Variants in DNAJB14 observed in about 807,000 individuals in gnomAD.
DNAJB14 encodes the protein DnaJ heat shock protein family (Hsp40) member B14.
DNAJB14 carries 22 observed loss-of-function variants against 48.4 expected under a neutral mutation model. The ratio of observed to expected loss-of-function variants is 0.45; its 90% CI spans 0.32 to 0.65. DNAJB14 has a LOEUF of 0.65. Ranked by LOEUF, DNAJB14 falls within the 30% of genes least tolerant of loss-of-function variation. DNAJB14 has a pLI of 0.03. For missense variants in DNAJB14, 319 were observed against 458.8 expected, an observed-to-expected ratio of 0.70 and a Z score of 2.78; for synonymous variants, 142 against 158.7, an observed-to-expected ratio of 0.89 and a Z score of 0.79.
intron 5 of DNAJB14, chr4:99,906,269 T>A: frequency 8.5e-7 from 1 of 1,169,898 alleles, no homozygotes; most frequent in Admixed American, 2.5e-5. Context: ...ACAACATGCA[T>A]AGTGCAGGTG....
chr4:99,936,823 T>C (rs896101113), intron 1 of DNAJB14, among the ~76,000 whole-genome samples: 1 of 152,156 alleles, frequency 6.6e-6, no homozygotes, highest in African/African-American at 2.4e-5. Context: ...CTGTAACAGA[T>C]AATTGAGGCT....
intron 4 of DNAJB14, among the ~76,000 whole-genome samples, chr4:99,907,128 A>C (rs2110194872): frequency 6.6e-6 from 1 of 152,312 alleles, no homozygotes; most frequent in South Asian, 2.1e-4. Flanking sequence ...CCAATCAGAA[A>C]TGGCTACCAT....
intron 4 of DNAJB14, among the ~76,000 whole-genome samples, chr4:99,907,048 A>G (rs1014463486): frequency 2.6e-5 from 4 of 152,216 alleles, no homozygotes; most frequent in Non-Finnish European, 5.9e-5. Context: ...ATATCTTGGT[A>G]TAGATGGACC....
intron 1 of DNAJB14, among the ~76,000 whole-genome samples, chr4:99,937,120 T>A (rs1404006807): frequency 6.6e-6 from 1 of 151,814 alleles, no homozygotes; most frequent in Non-Finnish European, 1.5e-5. Context: ...ATCGAGACTA[T>A]CCTGGCTAAC....
At chr4:99,940,805 A>G (rs1221379523) in intron 1 of DNAJB14, among the ~76,000 whole-genome samples, 1 of 151,988 alleles carries the variant, frequency 6.6e-6, no homozygotes, top group Non-Finnish European at 1.5e-5. Flanking sequence ...TAGAGATATC[A>G]CCTTATAGCA....
Position 99,903,793 on chromosome 4 carries a change from T to C in DNAJB14, c.948A>G (p.Val316=), listed in dbSNP as rs1424945969. 1 of 1,612,858 alleles carries C rather than the reference T, an allele frequency of 6.2e-7. No individual in the cohort carries two copies. The highest frequency in any genetic ancestry group is 8.5e-7 in the Non-Finnish European group (1 of 1,179,398). ...NEYKGMLLQK[V]EKSVEEDYVT... is the part of the protein sequence containing the mutation. ...CATAATCTTCCTCCACACTCTTTTC[T>C]ACCTTTTGTAATAACATTCCTTTAT... The change falls in exon 7 of 8, where the codon GTA becomes GTG. Residue 316 remains valine (V), a synonymous_variant. Coordinates refer to ENST00000442697, the MANE Select transcript of DNAJB14 (RefSeq NM_001031723.4).
intron 3 of DNAJB14, among the ~76,000 whole-genome samples, chr4:99,909,437 T>G (rs1464656314): frequency 6.6e-6 from 1 of 152,042 alleles, no homozygotes; most frequent in Non-Finnish European, 1.5e-5. Flanking sequence ...AATGAGCTAT[T>G]TTTTCATTCT....
In DNAJB14 at chr4:99,898,887, T is replaced by C. The variant is rs983036630; in HGVS notation, c.*2141A>G. Reference sequence around the variant, plus strand: ...TTATAAGATACTTGTTGAGCTTTTATACCATGATATAGATGACATTAAGGA... The same window carrying C: ...TTATAAGATACTTGTTGAGCTTTTACACCATGATATAGATGACATTAAGGA... On this transcript the variant is annotated 3_prime_UTR_variant, in exon 8 of 8. Transcript: ENST00000442697. 8 of 151,994 alleles carry C rather than the reference T, an allele frequency of 5.3e-5. No individual in the cohort carries two copies. The highest frequency in any genetic ancestry group is 1.7e-4 in the African/African-American group (7 of 41,454). 9.4% of individuals were successfully genotyped at this position (151,994 alleles called of 1,614,324 possible).
chr4:99,901,123 A>G lies in DNAJB14; in HGVS notation c.1045T>C (p.Tyr349His). The G allele has an allele frequency of 6.2e-7, 1 of 1,610,018 alleles. No homozygotes were observed. The highest frequency in any genetic ancestry group is 8.5e-7 in the Non-Finnish European group (1 of 1,178,922). The change falls in exon 8 of 8, where the codon TAC (tyrosine) becomes CAC (histidine). Residue 349 changes from tyrosine to histidine, a missense_variant. Physicochemically the swap from Tyr to His is moderately conservative, Grantham distance 83 (BLOSUM62 2). This residue lies in a region of DNAJB14 where 166 missense variants were observed against 236.3 expected (regional missense o/e 0.70). Coordinates refer to ENST00000442697, the MANE Select transcript of DNAJB14 (RefSeq NM_001031723.4). Reference protein sequence around the residue: ...KTDMQYAAKVYRDDRLRRKAD... With the variant: ...KTDMQYAAKVHRDDRLRRKAD... ...TTCCTTCGGAGTCGATCATCACGGT[A>G]TACTTTTGCTGCATACTGCATATCT...
intron 2 of DNAJB14, chr4:99,923,802 G>A (rs1399661177): frequency 1.0e-6 from 1 of 973,616 alleles, no homozygotes; most frequent in Non-Finnish European, 1.2e-6. Flanking sequence ...GCCTTCCAAA[G>A]TGCTGGGATT....
chr4:99,903,846 A>C lies in DNAJB14; in HGVS notation c.895T>G (p.Tyr299Asp). 2 of 1,612,900 alleles carry C rather than the reference A, an allele frequency of 1.2e-6. No homozygotes were observed. Among genetic ancestry groups the C allele is most frequent in the Non-Finnish European group, 1.7e-6 (2 of 1,179,398 alleles). ...MQTENLGVVY[Y>D]VNKDFKNEYK... is the part of the protein sequence containing the mutation. ...TCATTTTTGAAGTCCTTGTTGACAT[A>C]ATAAACAACACCCAAGTTTTCTGTT... Residue 299 changes from tyrosine to aspartate, a missense_variant, in exon 7 of 8, where the codon TAT becomes GAT. Transcript: ENST00000442697.
At chr4:99,945,360 C>A (rs953044198) in intron 1 of DNAJB14, among the ~76,000 whole-genome samples, 9 of 152,220 alleles carry the variant, frequency 5.9e-5, no homozygotes, top group African/African-American at 2.2e-4. Flanking sequence ...ATTTAAGAGA[C>A]AACAAAACAA....
chr4:99,897,939 A>G lies in DNAJB14; in HGVS notation c.*3089T>C, dbSNP rs1250112148. On this transcript the variant is annotated 3_prime_UTR_variant, in exon 8 of 8. Transcript: ENST00000442697. ...ACTTGGTCCTCAAGCCAACATCAAG[A>G]AATATTTAGCTGTCTTAACACAGGT... The G allele has an allele frequency of 6.6e-6, 1 of 151,990 alleles. No homozygotes were observed. Among genetic ancestry groups the G allele is most frequent in the African/African-American group, 2.4e-5 (1 of 41,418 alleles). 9.4% of individuals were successfully genotyped at this position (151,990 alleles called of 1,614,324 possible). A position where few individuals can be genotyped will look rare whatever the true frequency, so the allele number is the denominator to read the frequency against.
rs1412859237 is a variant in DNAJB14 at position 99,946,555 on chromosome 4, T to G, written c.17A>C (p.Asp6Ala). Residue 6 changes from aspartate to alanine, a missense_variant, in exon 1 of 8, where the codon GAT (aspartate) becomes GCT (alanine). Physicochemically the swap from Asp to Ala is moderately radical, Grantham distance 126. Coordinates refer to ENST00000442697, the MANE Select transcript of DNAJB14 (RefSeq NM_001031723.4). MEGNRDEAEKCVEIAR... is the reference protein window; with the variant it reads MEGNRAEAEKCVEIAR... The stretch of plus-strand genomic sequence containing the variant: ...GATCTCGACACATTTCTCAGCCTCA[T>G]CCCTGTTCCCCTCCATAGCTTGCTC... 1 of 1,613,688 alleles carries G rather than the reference T, an allele frequency of 6.2e-7. No homozygotes were observed. Among genetic ancestry groups the G allele is most frequent in the Non-Finnish European group, 8.5e-7 (1 of 1,179,730 alleles).
At chr4:99,902,613 G>T (rs895327228) in intron 7 of DNAJB14, among the ~76,000 whole-genome samples, 1 of 151,100 alleles carries the variant, frequency 6.6e-6, no homozygotes, top group African/African-American at 2.4e-5. Context: ...TCCCTAGCAA[G>T]GGGGAGATGA....
Position 99,908,842 on chromosome 4 carries a change from T to A in DNAJB14, c.506A>T (p.Asp169Val), listed in dbSNP as rs770627510. 2.5e-6 allele frequency: 4 copies of A among 1,601,090 alleles called. No homozygotes were observed. In the Middle Eastern group the frequency reaches 6.8e-4, roughly 272 times the overall value. ...LSNPEKRKQY[D>V]LTGNEEQACN... is the part of the protein sequence containing the mutation. ...TGCTTGTTCTTCATTGCCCGTGAGG[T>A]CATACTGTTTTCGCTTTTCTGGATT... The change falls in exon 4 of 8, where the codon GAC (aspartate) becomes GTC (valine). Residue 169 changes from aspartate to valine, a missense_variant. Asp to Val is a radical substitution (Grantham distance 152). Coordinates refer to ENST00000442697, the MANE Select transcript of DNAJB14 (RefSeq NM_001031723.4).
At chr4:99,930,874 T>C (rs1171402274) in intron 1 of DNAJB14, among the ~76,000 whole-genome samples, 1 of 152,206 alleles carries the variant, frequency 6.6e-6, no homozygotes, top group Non-Finnish European at 1.5e-5. Flanking sequence ...TGACATAATT[T>C]TATTTGTCAT....
chr4:99,946,291 G>T, intron 1 of DNAJB14, 148 bp downstream of exon 1: 2 of 1,264,162 alleles, frequency 1.6e-6, no homozygotes, highest in Non-Finnish European at 2.2e-6. Flanking sequence ...GGGTGTGTCG[G>T]GATGCTCCCC....
chr4:99,923,785 C>T, intron 2 of DNAJB14: 1 of 965,724 alleles, frequency 1.0e-6, no homozygotes, highest in Non-Finnish European at 1.2e-6. Context: ...ATGATCCTCC[C>T]ATCTCAGCCT....
Sources: gnomAD v4.1 joint callset for allele counts (sites outside exome capture counted in the v4.1 genomes callset) on GRCh38, gnomAD v4.1.1 for gene constraint, gnomAD v4.1.1 regional missense constraint, MANE v1.5 for transcripts, NCBI Gene and HGNC (gene_info 2026-07-23, HGNC 2026-07-21) for gene names.